The following SLC35D2 variants were observed in gnomAD, a reference collection of about 807,000 sequenced individuals.
SLC35D2 encodes the protein nucleotide sugar transporter SLC35D2.
Under a neutral mutation model 41.8 loss-of-function variants are expected in SLC35D2, and 43 were observed. The ratio of observed to expected loss-of-function variants is 1.03; its 90% confidence interval spans 0.81 to 1.33. The LOEUF is 1.33. Among genes scored for constraint, SLC35D2 ranks in the 40% most tolerant of loss-of-function variants. The pLI is 0.00. For synonymous variants in SLC35D2, 150 were observed against 163.9 expected (o/e 0.92, Z 0.65); for missense variants, 380 against 408.4 (o/e 0.93, Z 0.60).
chr9:96,373,591 G>A (rs1830802072), intron 1 of SLC35D2, among the ~76,000 whole-genome samples: 1 of 151,622 alleles, frequency 6.6e-6, no homozygotes, highest in African/African-American at 2.4e-5. Flanking sequence ...GGAGGCTGAG[G>A]CAGGAGAATT....
chr9:96,357,629 G>C (rs1372215521), intron 4 of SLC35D2: 1 of 152,144 alleles, frequency 6.6e-6, no homozygotes, highest in East Asian at 1.9e-4. Context: ...AACATTCTTA[G>C]AAGAAAGTAT....
chr9:96,346,626 AC>A (rs1366903502), intron 6 of SLC35D2, among the ~76,000 whole-genome samples: 4 of 152,178 alleles, frequency 2.6e-5, no homozygotes, highest in Admixed American at 1.3e-4. Flanking sequence ...GCAGTGGCAT[AC>A]CCTGAATCTT....
At chr9:96,345,045 T>C (rs897681396) in intron 7 of SLC35D2, among the ~76,000 whole-genome samples, 1 of 152,142 alleles carries the variant, frequency 6.6e-6, no homozygotes, top group African/African-American at 2.4e-5. Context: ...AAAAATTAAT[T>C]TGCCTTTCAG....
intron 2 of SLC35D2, among the ~76,000 whole-genome samples, chr9:96,365,359 A>C (rs1830437032): frequency 7.1e-6 from 1 of 139,920 alleles, no homozygotes; most frequent in East Asian, 2.0e-4. Context: ...ACTCTATCTC[A>C]AAAAAAAAAA....
At position 96,366,546 on chromosome 9, in the gene SLC35D2, G is replaced by A. The variant is rs186517268; in HGVS notation, c.192+1726C>T. Among the ~76,000 whole-genome samples the A allele has an allele frequency of 3.3e-5, 4 of 122,606 alleles. No homozygotes were observed. In the Admixed American group the frequency reaches 4.1e-4, roughly 13 times the overall value. 80.4% of individuals were successfully genotyped at this position (122,606 alleles called of 152,430 possible). The stretch of plus-strand genomic sequence containing the variant: ...TTTTTTTTTTTTTTTTTTTTGAGAC[G>A]GAGTCTTGCTTGTCACCCAGGCTAG... On this transcript the variant is annotated intron_variant, in intron 2 of 11. Transcript: ENST00000253270.
At chr9:96,346,553 T>C (rs1008531359) in intron 6 of SLC35D2, among the ~76,000 whole-genome samples, 2 of 152,194 alleles carry the variant, frequency 1.3e-5, no homozygotes, top group Non-Finnish European at 2.9e-5. Flanking sequence ...GCAAACTTCC[T>C]GATCTGTTGA....
intron 6 of SLC35D2, among the ~76,000 whole-genome samples, chr9:96,348,365 G>C (rs1829667807): frequency 1.3e-5 from 2 of 152,180 alleles, no homozygotes. Flanking sequence ...AGTGCCCTCT[G>C]AGGCAGGGAT....
At chr9:96,381,930 T>C (rs1831214260) in intron 1 of SLC35D2, among the ~76,000 whole-genome samples, 1 of 152,166 alleles carries the variant, frequency 6.6e-6, no homozygotes, top group Non-Finnish European at 1.5e-5. Context: ...CTACCTGGAA[T>C]GCTCTGTGAC....
At chr9:96,367,512 T>A (rs1243111424) in intron 2 of SLC35D2, among the ~76,000 whole-genome samples, 1 of 151,964 alleles carries the variant, frequency 6.6e-6, no homozygotes, top group Admixed American at 6.6e-5. Context: ...CCCAAGCTCA[T>A]CCTTGTACTT....
chr9:96,365,040 C>CAAA (rs59249417), intron 2 of SLC35D2, among the ~76,000 whole-genome samples: 1 of 49,376 alleles, frequency 2.0e-5, no homozygotes, highest in Non-Finnish European at 4.1e-5. Flanking sequence ...ACCACTGTCT[C>CAAA]AAAAAAAAAA....
chr9:96,339,974 C>A (rs1399292596), intron 8 of SLC35D2, among the ~76,000 whole-genome samples: 1 of 152,248 alleles, frequency 6.6e-6, no homozygotes, highest in Non-Finnish European at 1.5e-5. Context: ...CATCAAGTTT[C>A]TTTCCATTAA....
rs146432408 is a variant in SLC35D2, at chr9:96,359,659, C to T, written c.347+495G>A. 3.4e-3 allele frequency among the ~76,000 whole-genome samples: 517 copies of T among 151,934 alleles called. 2 individuals carry two copies. Among genetic ancestry groups the T allele is most frequent in the Non-Finnish European group, 5.0e-3 (338 of 67,962 alleles). ...GAGTCAAGATAAGGTTGCACTCCAA[C>T]CTGGGAGACAGAGTGAGACTCTGTC... On this transcript the variant is annotated intron_variant, in intron 4 of 11. Coordinates refer to ENST00000253270, the MANE Select transcript of SLC35D2 (RefSeq NM_007001.3).
At chr9:96,356,439 G>A (rs1830029369) in intron 4 of SLC35D2, among the ~76,000 whole-genome samples, 1 of 146,878 alleles carries the variant, frequency 6.8e-6, no homozygotes, top group Non-Finnish European at 1.5e-5. Context: ...AATTAATAAG[G>A]AAATGCAAGA....
At chr9:96,372,574 CTTTTTTTTTTTT>C (rs71368250) in intron 1 of SLC35D2, among the ~76,000 whole-genome samples, 1 of 90,142 alleles carries the variant, frequency 1.1e-5, no homozygotes, top group African/African-American at 5.4e-5. Flanking sequence ...TAAATAATTA[CTTTTTTTTTTTT>C]TTTTTTTTTT....
rs778928329 is a variant in SLC35D2 at position 96,360,225 on chromosome 9, C to T, written c.280-4G>A. 3.1e-6 allele frequency: 5 copies of T among 1,602,418 alleles called. No individual in the cohort carries two copies. Among genetic ancestry groups the T allele is most frequent in the Non-Finnish European group, 4.3e-6 (5 of 1,173,750 alleles). ...AGAGGAGAGGCAGAGGAAACAGCTTCCATTAAAAAAAAAAGAAGAAATATT... is the reference window on the plus strand; with the variant it reads ...AGAGGAGAGGCAGAGGAAACAGCTTTCATTAAAAAAAAAAGAAGAAATATT... On this transcript the variant is annotated splice_polypyrimidine_tract_variant and splice_region_variant and intron_variant, in intron 3 of 11. Coordinates refer to ENST00000253270, the MANE Select transcript of SLC35D2 (RefSeq NM_007001.3).
At chr9:96,332,899 C>G (rs13301443) in intron 9 of SLC35D2, among the ~76,000 whole-genome samples, 1 of 148,696 alleles carries the variant, frequency 6.7e-6, no homozygotes, top group Non-Finnish European at 1.5e-5. Flanking sequence ...TACACCTTTG[C>G]GAATTTTTTT....
chr9:96,376,250 G>C (rs1470191850), intron 1 of SLC35D2, among the ~76,000 whole-genome samples: 3 of 141,996 alleles, frequency 2.1e-5, no homozygotes, highest in Non-Finnish European at 4.6e-5. Context: ...AGCCTAGATG[G>C]AGCCACTGCA....
At chr9:96,364,174 A>G (rs1830390160) in intron 3 of SLC35D2, among the ~76,000 whole-genome samples, 1 of 152,012 alleles carries the variant, frequency 6.6e-6, no homozygotes, top group Non-Finnish European at 1.5e-5. Context: ...AAACAAAACA[A>G]AACAAAAAAA....
At chr9:96,339,705 AC>A (rs1277526181) in intron 8 of SLC35D2, among the ~76,000 whole-genome samples, 2 of 152,158 alleles carry the variant, frequency 1.3e-5, no homozygotes, top group African/African-American at 4.8e-5. Flanking sequence ...TGTACTTTGA[AC>A]CTATTGCAGT....
Sources: allele counts gnomAD v4.1 joint callset (sites outside exome capture counted in the v4.1 genomes callset), GRCh38; gene constraint gnomAD v4.1.1; transcripts MANE v1.5; gene names NCBI Gene and HGNC (gene_info 2026-07-23, HGNC 2026-07-21).